Variants in BIRC6 observed in about 807,000 individuals in gnomAD.
BIRC6 encodes the protein baculoviral IAP repeat containing 6.
Under a neutral mutation model 503.3 loss-of-function variants are expected in BIRC6, and 98 were observed. The ratio of observed to expected loss-of-function variants is 0.19; its 90% CI spans 0.17 to 0.23. The LOEUF (loss-of-function observed/expected upper bound fraction) is 0.23. BIRC6 is among the 10% of genes least tolerant of loss of function. The probability of loss-of-function intolerance (pLI) is 1.00; values close to 1 mark genes in which losing one functional copy is unlikely to be tolerated. For missense variants in BIRC6, 5,360 were observed against 5,806.0 expected (o/e 0.92, Z 2.50); for synonymous variants, 2,240 against 2,078.7 (o/e 1.08, Z -2.11).
intron 61 of BIRC6, among the ~76,000 whole-genome samples, chr2:32,537,231 C>T (rs1470805661): frequency 6.6e-6 from 1 of 152,088 alleles, no homozygotes; most frequent in Non-Finnish European, 1.5e-5. Context: ...ATCAACGAGA[C>T]AGAAAGTTAA....
At chr2:32,575,093 C>A in intron 65 of BIRC6, 63 bp from the exon 66 acceptor site, 1 of 1,554,210 alleles carries the variant, frequency 6.4e-7, no homozygotes, top group Non-Finnish European at 8.9e-7. Context: ...AGCTACATTC[C>A]TGTGGACCTA....
chr2:32,451,415 G>A (rs948977453), intron 22 of BIRC6, among the ~76,000 whole-genome samples: 1 of 152,150 alleles, frequency 6.6e-6, no homozygotes, highest in East Asian at 1.9e-4. Flanking sequence ...GTAGAATGAT[G>A]TTATTTGTCT....
At chr2:32,551,120 G>A (rs1290145790) in intron 65 of BIRC6, among the ~76,000 whole-genome samples, 3 of 151,632 alleles carry the variant, frequency 2.0e-5, no homozygotes, top group Non-Finnish European at 4.4e-5. Flanking sequence ...TAGGTTAAAC[G>A]GTAGCATGCC....
At chr2:32,596,474 A>C (rs1303460025) in intron 68 of BIRC6, among the ~76,000 whole-genome samples, 1 of 150,706 alleles carries the variant, frequency 6.6e-6, no homozygotes, top group Non-Finnish European at 1.5e-5. Context: ...ATCTCAAAAA[A>C]AAAAAAAAAA....
At position 32,415,283 on chromosome 2, in the gene BIRC6, T is replaced by A. The variant is rs779764087; in HGVS notation, c.1992T>A (p.Val664=). ...SKSLHDDGFT[V]PQIIEMELDS... ...GTTTGCATGATGATGGTTTTACTGT[T>A]CCACAGATTATTGAAATGGAGCTGG... Residue 664 remains valine, a synonymous_variant, in exon 10 of 74, where the codon GTT becomes GTA. Coordinates refer to ENST00000421745, the MANE Select transcript of BIRC6 (RefSeq NM_016252.4). 1 of 1,614,046 alleles carries A rather than the reference T, an allele frequency of 6.2e-7. No homozygotes were observed. Among genetic ancestry groups the A allele is most frequent in the Non-Finnish European group, 8.5e-7 (1 of 1,179,892 alleles).
chr2:32,451,451 G>A (rs2046721046), intron 22 of BIRC6, among the ~76,000 whole-genome samples: 1 of 152,118 alleles, frequency 6.6e-6, no homozygotes, highest in Admixed American at 6.5e-5. Context: ...CATTTTTATC[G>A]ATTGTGAAAA....
intron 61 of BIRC6, 79 bp downstream of exon 61, chr2:32,531,630 A>G: frequency 8.3e-7 from 1 of 1,207,104 alleles, no homozygotes. Context: ...TTTTTAATGT[A>G]CTTGGATTAA....
intron 47 of BIRC6, 146 bp downstream of exon 47, chr2:32,502,034 T>A: frequency 1.3e-6 from 1 of 765,534 alleles, no homozygotes; most frequent in Non-Finnish European, 1.9e-6. Flanking sequence ...GGATTATTAA[T>A]AAAAGTTGGA....
chr2:32,495,755 T>C (rs2052364852), intron 45 of BIRC6, among the ~76,000 whole-genome samples: 1 of 151,704 alleles, frequency 6.6e-6, no homozygotes, highest in South Asian at 2.1e-4. Context: ...TTATGTTTTA[T>C]ATTTAGGCTT....
At chr2:32,602,813 T>C (rs530196757) in intron 70 of BIRC6, 193 bp from the exon 71 acceptor site, 52 of 466,314 alleles carry the variant, frequency 1.1e-4, no homozygotes, top group Middle Eastern at 1.1e-3. Flanking sequence ...GAAAAAGTTA[T>C]AATGCCTCAC....
At chr2:32,503,319 T>G in intron 49 of BIRC6, 83 bp downstream of exon 49, 1 of 1,152,052 alleles carries the variant, frequency 8.7e-7, no homozygotes, top group East Asian at 2.5e-5. Flanking sequence ...TTGAAGTCAG[T>G]TGATGATGTT....
chr2:32,525,760 C>G (rs1270811862), intron 59 of BIRC6, 132 bp downstream of exon 59: 1 of 802,886 alleles, frequency 1.2e-6, no homozygotes, highest in South Asian at 1.9e-5. Flanking sequence ...GAGACTTCTT[C>G]CATACAGTTC....
rs202043530 is a variant in BIRC6, at chr2:32,420,771, T to C, written c.2872+4608T>C. Among the ~76,000 whole-genome samples the C allele has an allele frequency of 2.6e-5, 4 of 151,964 alleles. No individual in the cohort carries two copies. In the East Asian group the frequency reaches 7.7e-4, roughly 29 times the overall value. On this transcript the variant is annotated intron_variant, in intron 10 of 73. Coordinates refer to ENST00000421745, the MANE Select transcript of BIRC6 (RefSeq NM_016252.4). ...AAGTGATTCACCTGCATTGGCCTCC[T>C]AAAGTGCTGGGATTACAGGTGTGAG...
At chr2:32,474,148 A>AT (rs1483499690) in intron 33 of BIRC6, among the ~76,000 whole-genome samples, 1 of 151,922 alleles carries the variant, frequency 6.6e-6, no homozygotes, top group Non-Finnish European at 1.5e-5. Flanking sequence ...GGCTTTTCAA[A>AT]TTTTTTGTTT....
intron 40 of BIRC6, among the ~76,000 whole-genome samples, chr2:32,487,377 C>T (rs1435712038): frequency 2.6e-5 from 4 of 152,026 alleles, no homozygotes; most frequent in African/African-American, 9.7e-5. Context: ...GAAAAAAATG[C>T]AAATAAAAAT....
At position 32,377,718 on chromosome 2, in the gene BIRC6, T is replaced by A; in HGVS notation, c.456T>A (p.Thr152=). 1 of 1,613,664 alleles carries A rather than the reference T, an allele frequency of 6.2e-7. No individual in the cohort carries two copies. The highest frequency in any genetic ancestry group is 8.5e-7 in the Non-Finnish European group (1 of 1,179,746). The change falls in exon 2 of 74, where the codon ACT becomes ACA. Residue 152 remains threonine (T), a synonymous_variant. Transcript: ENST00000421745. ...TGTTGTTAGACACTGCTCTGCAAAC[T>A]CCAGTTTCAAAGCAGGATGATGTGG... is the stretch of plus-strand genomic sequence containing the variant. ...GILLLDTALQ[T]PVSKQDDVVQ...
intron 3 of BIRC6, among the ~76,000 whole-genome samples, chr2:32,388,106 G>A (rs1475602814): frequency 6.6e-6 from 1 of 152,020 alleles, no homozygotes; most frequent in Non-Finnish European, 1.5e-5. Context: ...CAATACGTGG[G>A]CCAGGCGCAG....
At chr2:32,426,864 A>G (rs1021012499) in intron 10 of BIRC6, among the ~76,000 whole-genome samples, 9 of 152,126 alleles carry the variant, frequency 5.9e-5, no homozygotes, top group Non-Finnish European at 1.2e-4. Context: ...TTTTCTGGAA[A>G]TGTGTTCATC....
chr2:32,364,312 A>G (rs913957350), intron 1 of BIRC6, among the ~76,000 whole-genome samples: 11 of 151,972 alleles, frequency 7.2e-5, no homozygotes, highest in African/African-American at 1.9e-4. Flanking sequence ...CTGGAGTGCA[A>G]TGGCGCAGTC....
Sources: gnomAD v4.1 joint callset for allele counts (sites outside exome capture counted in the v4.1 genomes callset) on GRCh38, gnomAD v4.1.1 for gene constraint, MANE v1.5 for transcripts, NCBI Gene and HGNC (gene_info 2026-07-23, HGNC 2026-07-21) for gene names.